ACER2: variants seen among roughly 807,000 people sequenced by gnomAD.
The protein encoded by ACER2 is alkaline ceramidase 2.
ACER2 carries 26 observed loss-of-function variants against 34.7 expected under a neutral mutation model. The ratio of observed to expected loss-of-function variants is 0.75; its 90% confidence interval spans 0.55 to 1.04. The LOEUF is 1.04. Among genes scored for constraint, ACER2 ranks in the 50% least tolerant of loss-of-function variants. The pLI, the probability that ACER2 is intolerant of heterozygous loss-of-function variation, is 0.00. For synonymous variants in ACER2, 138 were observed against 132.1 expected, an observed-to-expected ratio of 1.04 and a Z score of -0.31; for missense variants, 352 against 340.8, an observed-to-expected ratio of 1.03 and a Z score of -0.26.
intron 1 of ACER2, among the ~76,000 whole-genome samples, chr9:19,421,301 T>TTG (rs1038340274): frequency 6.6e-6 from 1 of 152,200 alleles, no homozygotes; most frequent in African/African-American, 2.4e-5. Context: ...CATATGAATT[T>TTG]TGTGTGTGGG....
intron 3 of ACER2, among the ~76,000 whole-genome samples, chr9:19,428,053 C>G (rs1023468820): frequency 2.3e-5 from 3 of 128,326 alleles, no homozygotes; most frequent in Non-Finnish European, 5.1e-5. Context: ...CTTTCCTTTC[C>G]TTTCCTTTCC....
chr9:19,416,347 T>G (rs750654053), intron 1 of ACER2, among the ~76,000 whole-genome samples: 1 of 151,910 alleles, frequency 6.6e-6, no homozygotes, highest in Non-Finnish European at 1.5e-5. Flanking sequence ...AGTGGAGGAG[T>G]TAAGCCAAGG....
In ACER2 at chr9:19,451,953, C is replaced by CA. The variant is rs1554658786; in HGVS notation, c.*1319dup. 3.3e-5 allele frequency: 5 copies of CA among 152,084 alleles called. No individual in the cohort carries two copies. The highest frequency in any genetic ancestry group is 9.7e-5 in the African/African-American group (4 of 41,414). 9.4% of individuals were successfully genotyped at this position (152,084 alleles called of 1,614,324 possible). On this transcript the variant is annotated 3_prime_UTR_variant, in exon 6 of 6. Transcript: ENST00000340967. ...AGAGTATCCAACGGCTCACCTTTCTCAAGTGCTGGCAGTAGCTATGCACTC... is the reference window on the plus strand; with the variant it reads ...AGAGTATCCAACGGCTCACCTTTCTCAAAGTGCTGGCAGTAGCTATGCACTC...
chr9:19,409,049 C>T lies in ACER2; in HGVS notation c.-36C>T, dbSNP rs1242745932. 3 of 1,529,588 alleles carry T rather than the reference C, an allele frequency of 2.0e-6. No individual in the cohort carries two copies. Among genetic ancestry groups the T allele is most frequent in the Non-Finnish European group, 2.6e-6 (3 of 1,134,246 alleles). The allele number at this position is 1,529,588 out of a possible 1,614,324, so 94.8% of individuals were successfully genotyped here. A position where few individuals can be genotyped will look rare whatever the true frequency, so the allele number is the denominator to read the frequency against. On this transcript the variant is annotated 5_prime_UTR_variant, in exon 1 of 6. Coordinates refer to ENST00000340967, the MANE Select transcript of ACER2 (RefSeq NM_001010887.3). ...CGCAGCAGCTCTGGGCTCTTCTCAG[C>T]TGCGCGAGCAGCTGCTCCAATGCCC...
At chr9:19,424,050 C>G in intron 2 of ACER2, 74 bp downstream of exon 2, 3 of 1,228,492 alleles carry the variant, frequency 2.4e-6, no homozygotes, top group South Asian at 2.4e-5. Context: ...CACACACTTC[C>G]TCTCCCCTTT....
chr9:19,413,443 A>C (rs184473544), intron 1 of ACER2, among the ~76,000 whole-genome samples: 1 of 152,110 alleles, frequency 6.6e-6, no homozygotes, highest in Non-Finnish European at 1.5e-5. Flanking sequence ...TACCAAAAAT[A>C]CAAAAAACTA....
At chr9:19,416,722 A>G (rs1476707610) in intron 1 of ACER2, among the ~76,000 whole-genome samples, 1 of 150,846 alleles carries the variant, frequency 6.6e-6, no homozygotes, top group Non-Finnish European at 1.5e-5. Flanking sequence ...TAGTAGAGAC[A>G]GGGTTTTGCC....
At chr9:19,426,451 A>G (rs1830575855) in intron 3 of ACER2, among the ~76,000 whole-genome samples, 1 of 144,842 alleles carries the variant, frequency 6.9e-6, no homozygotes, top group Non-Finnish European at 1.5e-5. Flanking sequence ...CTTGAAAGAT[A>G]CCCACCAGTC....
At chr9:19,432,281 C>G (rs987311229) in intron 3 of ACER2, among the ~76,000 whole-genome samples, 2 of 152,050 alleles carry the variant, frequency 1.3e-5, no homozygotes, top group African/African-American at 4.8e-5. Flanking sequence ...TTTCTTAAAA[C>G]TTTTTTTGGG....
At chr9:19,411,971 A>G (rs1198704563) in intron 1 of ACER2, among the ~76,000 whole-genome samples, 1 of 152,200 alleles carries the variant, frequency 6.6e-6, no homozygotes, top group Non-Finnish European at 1.5e-5. Flanking sequence ...GAGTTTATGT[A>G]ACTTGCTGTG....
intron 3 of ACER2, among the ~76,000 whole-genome samples, chr9:19,426,753 G>C (rs1830583644): frequency 6.6e-6 from 1 of 152,022 alleles, no homozygotes; most frequent in African/African-American, 2.4e-5. Flanking sequence ...GGTAGTTAAA[G>C]CTTACCAACT....
chr9:19,445,412 A>T (rs1831322819), intron 4 of ACER2, among the ~76,000 whole-genome samples: 1 of 152,242 alleles, frequency 6.6e-6, no homozygotes, highest in Non-Finnish European at 1.5e-5. Flanking sequence ...GGAAACACAT[A>T]AGTGAAACAC....
intron 4 of ACER2, among the ~76,000 whole-genome samples, chr9:19,445,912 G>A (rs1175417841): frequency 6.6e-6 from 1 of 152,196 alleles, no homozygotes; most frequent in Non-Finnish European, 1.5e-5. Flanking sequence ...GGTCAGGTTT[G>A]AGATATTTTG....
At chr9:19,417,582 T>G (rs1830274528) in intron 1 of ACER2, among the ~76,000 whole-genome samples, 1 of 152,170 alleles carries the variant, frequency 6.6e-6, no homozygotes. Context: ...AACCATCTGA[T>G]CTTTGACAAA....
At chr9:19,409,360 A>G (rs1376830981) in intron 1 of ACER2, among the ~76,000 whole-genome samples, 168 bp downstream of exon 1, 1 of 152,136 alleles carries the variant, frequency 6.6e-6, no homozygotes, top group African/African-American at 2.4e-5. Flanking sequence ...TCAGTTCTCC[A>G]TCTGTCCTCC....
At chr9:19,422,809 A>T (rs1830444370) in intron 1 of ACER2, among the ~76,000 whole-genome samples, 2 of 151,982 alleles carry the variant, frequency 1.3e-5, no homozygotes, top group Admixed American at 1.3e-4. Context: ...AGACGAGTGG[A>T]TCACCTGAGG....
At chr9:19,442,867 C>G (rs1014652594) in intron 4 of ACER2, among the ~76,000 whole-genome samples, 3 of 151,260 alleles carry the variant, frequency 2.0e-5, no homozygotes, top group Admixed American at 6.6e-5. Context: ...GGGTCTCGCT[C>G]TGTCGCCCAG....
chr9:19,416,964 A>G (rs1003713261), intron 1 of ACER2, among the ~76,000 whole-genome samples: 14 of 152,222 alleles, frequency 9.2e-5, no homozygotes, highest in Admixed American at 3.9e-4. Context: ...ACATGATTGT[A>G]TGTTTAGAAA....
chr9:19,423,479 T>A (rs557838023), intron 1 of ACER2, among the ~76,000 whole-genome samples: 4 of 152,176 alleles, frequency 2.6e-5, no homozygotes, highest in Non-Finnish European at 5.9e-5. Context: ...AGCAGGCAGA[T>A]CACCTGAGGT....
Sources: allele counts gnomAD v4.1 joint callset (sites outside exome capture counted in the v4.1 genomes callset), GRCh38; gene constraint gnomAD v4.1.1; transcripts MANE v1.5; gene names NCBI Gene and HGNC (gene_info 2026-07-23, HGNC 2026-07-21).